Variants in RNF38 observed in about 807,000 individuals in gnomAD.
The protein encoded by RNF38 is E3 ubiquitin-protein ligase RNF38.
In RNF38, 15 loss-of-function variants were observed where a neutral mutation model predicts 67.2. The ratio of observed to expected loss-of-function variants is 0.22; its 90% CI spans 0.15 to 0.34. The LOEUF is 0.34. RNF38 is among the 10% of genes least tolerant of loss of function. The pLI, the probability that RNF38 is intolerant of heterozygous loss-of-function variation, is 1.00. For synonymous variants in RNF38, 220 were observed against 218.8 expected (o/e 1.01, Z -0.05); for missense variants, 524 against 639.9 (o/e 0.82, Z 1.95).
chr9:36,361,329 A>AT (rs777161336), intron 4 of RNF38, among the ~76,000 whole-genome samples: 101 of 150,232 alleles, frequency 6.7e-4, no homozygotes, highest in Non-Finnish European at 1.3e-3. Context: ...TTTTTTCTGT[A>AT]TTTTTTGTAT....
chr9:36,474,842 T>C lies in RNF38; in HGVS notation n.241+12466A>G, dbSNP rs918450390. On this transcript the variant is annotated intron_variant and non_coding_transcript_variant, in intron 1 of 3. Coordinates refer to the RNF38 transcript ENST00000488058. ...GAAGTAACAATCAAAGGAACAGAGG[T>C]AGAAAAATCACACACAGGGCCGGGC... Among the ~76,000 whole-genome samples, 6 of 147,204 alleles carry C rather than the reference T, an allele frequency of 4.1e-5. 1 individual carries two copies. Among genetic ancestry groups the C allele is most frequent in the Middle Eastern group, 3.4e-3 (1 of 292 alleles).
chr9:36,416,811 G>A (rs566226712), intron 2 of RNF38, among the ~76,000 whole-genome samples: 5 of 140,168 alleles, frequency 3.6e-5, no homozygotes, highest in South Asian at 2.3e-4. Flanking sequence ...GGAGTGCAGC[G>A]GCACCATCTC....
intron 1 of RNF38, among the ~76,000 whole-genome samples, chr9:36,438,527 C>G (rs543103470): frequency 6.6e-6 from 1 of 151,800 alleles, no homozygotes; most frequent in African/African-American, 2.4e-5. Context: ...GATTGGACAA[C>G]CCTGTTCTAA....
At chr9:36,487,373 G>A (rs1840442996) in exon 1 of RNF38, 1 of 983,656 alleles carries the variant, frequency 1.0e-6, no homozygotes, top group Admixed American at 6.2e-5. Context: ...CCCGTGGCCC[G>A]GAGGGCTGAG....
intron 4 of RNF38, among the ~76,000 whole-genome samples, chr9:36,359,238 G>A (rs1834342705): frequency 6.6e-6 from 1 of 151,194 alleles, no homozygotes; most frequent in African/African-American, 2.4e-5. Flanking sequence ...TTTATCTTTT[G>A]ATGAGATCCT....
chr9:36,415,871 T>C (rs556748778), intron 2 of RNF38, among the ~76,000 whole-genome samples: 1 of 152,206 alleles, frequency 6.6e-6, no homozygotes, highest in South Asian at 2.1e-4. Flanking sequence ...AATTTGCTAT[T>C]ATTTTCTCCT....
intron 1 of RNF38, among the ~76,000 whole-genome samples, chr9:36,458,391 C>T (rs1186529002): frequency 1.3e-5 from 2 of 152,138 alleles, no homozygotes; most frequent in Non-Finnish European, 2.9e-5. Context: ...GCCTGGGTCC[C>T]CTTCCACGCT....
In RNF38 at chr9:36,481,180, A is replaced by G. The variant is rs568919477; in HGVS notation, n.241+6128T>C. Reference sequence around the variant, plus strand: ...CACGTGCGTGCCACCACGCCCAGCTAATTTTTGTATTTTTAGTAGAGGCAG... The same window carrying G: ...CACGTGCGTGCCACCACGCCCAGCTGATTTTTGTATTTTTAGTAGAGGCAG... On this transcript the variant is annotated intron_variant and non_coding_transcript_variant, in intron 1 of 3. Transcript: ENST00000488058. Among the ~76,000 whole-genome samples, 4 of 151,802 alleles carry G rather than the reference A, an allele frequency of 2.6e-5. No individual in the cohort carries two copies. The East Asian group carries it at 7.8e-4, about 29-fold the overall frequency.
intron 10 of RNF38, 147 bp downstream of exon 10, chr9:36,344,685 A>G: frequency 2.9e-6 from 2 of 678,872 alleles, no homozygotes; most frequent in South Asian, 2.1e-5. Flanking sequence ...AAGATAACTT[A>G]TCTTTATCAA....
At chr9:36,400,969 T>A, upstream of RNF38, 5 of 982,462 alleles carry the variant, frequency 5.1e-6, no homozygotes, top group Non-Finnish European at 6.0e-6. Flanking sequence ...GGGCTCCCTA[T>A]GCGCCGGCGC....
chr9:36,357,631 T>TA, intron 5 of RNF38, 144 bp downstream of exon 5: 1 of 532,190 alleles, frequency 1.9e-6, no homozygotes, highest in African/African-American at 1.9e-5. Context: ...AAAGTGAAAC[T>TA]ACAAAGACAG....
At chr9:36,413,807 C>T (rs529769218) in intron 2 of RNF38, among the ~76,000 whole-genome samples, 68 of 152,222 alleles carry the variant, frequency 4.5e-4, no homozygotes, top group African/African-American at 1.6e-3. Context: ...GTTAACTTTC[C>T]ATCTTGATGA....
chr9:36,423,577 C>T (rs766435326), intron 2 of RNF38, among the ~76,000 whole-genome samples: 3 of 152,120 alleles, frequency 2.0e-5, no homozygotes, highest in Non-Finnish European at 2.9e-5. Flanking sequence ...CCATCCAGAT[C>T]GGCAGCCAGA....
At chr9:36,471,159 C>T (rs952313982) in intron 1 of RNF38, among the ~76,000 whole-genome samples, 1 of 152,186 alleles carries the variant, frequency 6.6e-6, no homozygotes, top group Non-Finnish European at 1.5e-5. Flanking sequence ...TGCAACATAG[C>T]CCCCTCAGTT....
rs1290237177 is a variant in RNF38, at chr9:36,355,864, G to T, written c.909+439C>A. Among the ~76,000 whole-genome samples the T allele has an allele frequency of 2.0e-5, 3 of 151,962 alleles. No homozygotes were observed. The South Asian group carries it at 6.2e-4, about 32-fold the overall frequency. ...TTACGTTTGTTTGTTTGTTTATTTT[G>T]GAGACAGAGTCTCACTCTGTCGCCC... On this transcript the variant is annotated intron_variant, in intron 6 of 11. Transcript: ENST00000259605.
At chr9:36,374,592 A>G (rs972807524) in intron 3 of RNF38, among the ~76,000 whole-genome samples, 2 of 152,174 alleles carry the variant, frequency 1.3e-5, no homozygotes, top group East Asian at 1.9e-4. Flanking sequence ...CCCCTGCCTC[A>G]GATTCGCCCG....
At chr9:36,453,381 AT>A (rs571598885) in intron 1 of RNF38, among the ~76,000 whole-genome samples, 6,419 of 135,684 alleles carry the variant, frequency 0.047, 366 homozygotes, top group African/African-American at 0.15. Context: ...TGTTCAGGTA[AT>A]TTTTTTTTTT....
At chr9:36,369,076 C>G (rs1365418916) in intron 4 of RNF38, among the ~76,000 whole-genome samples, 3 of 152,082 alleles carry the variant, frequency 2.0e-5, no homozygotes, top group Admixed American at 2.0e-4. Context: ...AACCTATAAG[C>G]AAAGATGTAC....
At chr9:36,368,347 A>G (rs1299654831) in intron 4 of RNF38, among the ~76,000 whole-genome samples, 1 of 152,162 alleles carries the variant, frequency 6.6e-6, no homozygotes, top group Non-Finnish European at 1.5e-5. Context: ...TCTGAAATGC[A>G]GTCTTTTCTT....
Sources: gnomAD v4.1 joint callset for allele counts (sites outside exome capture counted in the v4.1 genomes callset) on GRCh38, gnomAD v4.1.1 for gene constraint, MANE v1.5 for transcripts, NCBI Gene and HGNC (gene_info 2026-07-23, HGNC 2026-07-21) for gene names.